Variants in MYO3A observed in about 807,000 individuals in gnomAD.
MYO3A encodes myosin IIIA, also known as myosin-IIIa.
In MYO3A, 180 loss-of-function variants were observed where a neutral mutation model predicts 192.7. The observed-to-expected ratio is 0.93, with a 90% CI of 0.83 to 1.06. The LOEUF (loss-of-function observed/expected upper bound fraction) is 1.06, where lower values mean the gene tolerates loss of function less well. MYO3A is among the 50% of genes least tolerant of loss of function. MYO3A has a pLI of 0.00. For synonymous variants in MYO3A, 628 were observed against 645.3 expected, an observed-to-expected ratio of 0.97 and a Z score of 0.41; for missense variants, 1,896 against 1,905.0, an observed-to-expected ratio of 1.00 and a Z score of 0.09.
intron 10 of MYO3A, among the ~76,000 whole-genome samples, chr10:26,040,745 T>C (rs1486086523): frequency 4.6e-5 from 7 of 152,150 alleles, no homozygotes; most frequent in African/African-American, 1.7e-4. Context: ...TGTTTCATTG[T>C]GGTCAGAGAA....
At chr10:25,990,618 C>T (rs994498159) in intron 4 of MYO3A, among the ~76,000 whole-genome samples, 10 of 151,576 alleles carry the variant, frequency 6.6e-5, no homozygotes, top group African/African-American at 1.9e-4. Context: ...CCCATTAACT[C>T]GTCATTTACA....
intron 4 of MYO3A, among the ~76,000 whole-genome samples, chr10:25,993,403 C>G (rs1261159520): frequency 6.6e-6 from 1 of 151,942 alleles, no homozygotes. Flanking sequence ...TCTCTCTTTT[C>G]TTCTTTAATA....
chr10:26,113,488 C>CAA (rs1159491321), intron 17 of MYO3A, among the ~76,000 whole-genome samples: 1 of 129,616 alleles, frequency 7.7e-6, no homozygotes, highest in African/African-American at 2.7e-5. Flanking sequence ...AAAAAAAAAA[C>CAA]AAAAAAAAAC....
chr10:26,021,722 T>A (rs998059045), intron 8 of MYO3A, 74 bp downstream of exon 8: 18 of 1,569,750 alleles, frequency 1.1e-5, no homozygotes, highest in Non-Finnish European at 7.9e-6. Context: ...TTCATCATGC[T>A]CTTCATGGAG....
Position 26,154,814 on chromosome 10 carries a change from A to G in MYO3A, c.2784A>G (p.Ser928=). 3 of 1,612,402 alleles carry G rather than the reference A, an allele frequency of 1.9e-6. No individual in the cohort carries two copies. Among genetic ancestry groups the G allele is most frequent in the South Asian group, 1.1e-5 (1 of 90,872 alleles). ...ACATGAAAACACAAACGGTTGCATC[A>G]TATTTTAGAGTAAGATATTAAACTA... is the stretch of plus-strand genomic sequence containing the variant. ...TTNMKTQTVA[S]YFRYSLMDLL... The change falls in exon 25 of 35, where the codon TCA becomes TCG. Residue 928 remains serine, a synonymous_variant. Coordinates refer to ENST00000642920, the MANE Select transcript of MYO3A (RefSeq NM_017433.5).
intron 26 of MYO3A, among the ~76,000 whole-genome samples, chr10:26,159,206 G>T (rs1165919216): frequency 4.0e-5 from 6 of 150,820 alleles, no homozygotes; most frequent in Non-Finnish European, 7.4e-5. Context: ...TAGCCAGGAT[G>T]GTCTCCATCT....
At chr10:25,988,252 G>T (rs1839777552) in intron 4 of MYO3A, among the ~76,000 whole-genome samples, 1 of 152,012 alleles carries the variant, frequency 6.6e-6, no homozygotes, top group Admixed American at 6.6e-5. Flanking sequence ...ACAGCACACT[G>T]GGCACAGTGT....
intron 4 of MYO3A, among the ~76,000 whole-genome samples, chr10:25,970,590 A>G (rs1588679642): frequency 6.6e-6 from 1 of 151,952 alleles, no homozygotes; most frequent in Non-Finnish European, 1.5e-5. Context: ...AATAAAGATA[A>G]TAGTAGAAAT....
At chr10:26,187,385 A>G (rs540005949) in intron 31 of MYO3A, among the ~76,000 whole-genome samples, 33 of 152,348 alleles carry the variant, frequency 2.2e-4, no homozygotes, top group Non-Finnish European at 2.9e-4. Context: ...TCTGGAGGCT[A>G]GAAGTTCAAG....
At chr10:26,047,644 A>G (rs914700090) in intron 10 of MYO3A, among the ~76,000 whole-genome samples, 3 of 151,990 alleles carry the variant, frequency 2.0e-5, no homozygotes, top group African/African-American at 7.2e-5. Flanking sequence ...GCGTGGTGGC[A>G]GGCGCCTGTA....
intron 31 of MYO3A, among the ~76,000 whole-genome samples, chr10:26,190,877 T>C (rs1023721210): frequency 2.6e-5 from 4 of 152,132 alleles, no homozygotes; most frequent in Non-Finnish European, 5.9e-5. Context: ...AATGGGGGAA[T>C]ATTTGATGAA....
At chr10:26,143,199 T>C (rs1425932855) in intron 20 of MYO3A, among the ~76,000 whole-genome samples, 1 of 151,850 alleles carries the variant, frequency 6.6e-6, no homozygotes, top group Non-Finnish European at 1.5e-5. Flanking sequence ...GGCATGGTGG[T>C]GTGTGCCTGT....
intron 32 of MYO3A, among the ~76,000 whole-genome samples, chr10:26,193,964 A>G (rs1303184170): frequency 3.3e-5 from 5 of 152,090 alleles, no homozygotes; most frequent in Non-Finnish European, 7.4e-5. Context: ...CCTGTTCTCT[A>G]TAAATGCCAC....
intron 10 of MYO3A, among the ~76,000 whole-genome samples, chr10:26,040,062 G>A (rs1464750971): frequency 6.6e-6 from 1 of 151,258 alleles, no homozygotes; most frequent in African/African-American, 2.4e-5. Flanking sequence ...ATAGGTTATG[G>A]TATGTTGTGC....
Position 26,193,314 on chromosome 10 carries a change from A to C in MYO3A, c.4545+3A>C, listed in dbSNP as rs896821247. The C allele has an allele frequency of 6.2e-7, 1 of 1,604,802 alleles. No homozygotes were observed. Among genetic ancestry groups the C allele is most frequent in the African/African-American group, 1.3e-5 (1 of 74,692 alleles). On this transcript the variant is annotated splice_donor_region_variant and intron_variant, in intron 32 of 34. Transcript: ENST00000642920. ...CCACATACTATTATCTACTTCATGTAAGTGGCTCACTCTTACTATCAGATG... is the reference window on the plus strand; with the variant it reads ...CCACATACTATTATCTACTTCATGTCAGTGGCTCACTCTTACTATCAGATG...
intron 10 of MYO3A, among the ~76,000 whole-genome samples, chr10:26,064,037 TG>T (rs1332595147): frequency 5.9e-5 from 9 of 152,152 alleles, no homozygotes; most frequent in African/African-American, 2.2e-4. Context: ...AAATCTAGAT[TG>T]GCATTATATT....
chr10:25,938,682 A>G (rs1468476648), intron 2 of MYO3A, among the ~76,000 whole-genome samples: 1 of 152,244 alleles, frequency 6.6e-6, no homozygotes, highest in Non-Finnish European at 1.5e-5. Context: ...ATGAATGTGT[A>G]TAAAAGTGAG....
chr10:26,021,607 A>C lies in MYO3A; in HGVS notation c.690A>C (p.Leu230=). 6.2e-7 allele frequency: 1 copy of C among 1,614,128 alleles called. No homozygotes were observed. Among genetic ancestry groups the C allele is most frequent in the Non-Finnish European group, 8.5e-7 (1 of 1,179,986 alleles). ...AIELGDGDPP[L]ADLHPMRALF... ...AGCTGGGTGATGGAGATCCTCCACTAGCTGACCTTCATCCCATGAGAGCAC... is the reference window on the plus strand; with the variant it reads ...AGCTGGGTGATGGAGATCCTCCACTCGCTGACCTTCATCCCATGAGAGCAC... Residue 230 remains leucine (L), a synonymous_variant, in exon 8 of 35, where the codon CTA becomes CTC. Transcript: ENST00000642920.
At chr10:26,152,823 C>T (rs551456272) in intron 23 of MYO3A, among the ~76,000 whole-genome samples, 64 of 152,282 alleles carry the variant, frequency 4.2e-4, no homozygotes, top group African/African-American at 1.5e-3. Context: ...GTGGCACACA[C>T]CCGTCTCAGC....
Sources: gnomAD v4.1 joint callset for allele counts (sites outside exome capture counted in the v4.1 genomes callset) on GRCh38, gnomAD v4.1.1 for gene constraint, MANE v1.5 for transcripts, NCBI Gene and HGNC (gene_info 2026-07-23, HGNC 2026-07-21) for gene names.